SLC25A26: variants seen among roughly 807,000 people sequenced by gnomAD.
SLC25A26 encodes solute carrier family 25 member 26.
Under a neutral mutation model 37.8 loss-of-function variants are expected in SLC25A26, and 36 were observed. That is an observed-to-expected ratio of 0.95 (90% CI 0.73 to 1.26). The LOEUF (loss-of-function observed/expected upper bound fraction) is 1.26. Ranked by LOEUF, SLC25A26 falls within the 50% of genes most tolerant of loss-of-function variation. The pLI is 0.00. For missense variants in SLC25A26, 390 were observed against 331.1 expected (o/e 1.18, Z -1.38); for synonymous variants, 129 against 122.5 (o/e 1.05, Z -0.35).
chr3:66,215,326 G>A (rs910167344), intron 1 of SLC25A26, among the ~76,000 whole-genome samples: 1 of 151,930 alleles, frequency 6.6e-6, no homozygotes, highest in African/African-American at 2.4e-5. Flanking sequence ...TCAGCCTCCC[G>A]ACTAGCTGGG....
At chr3:66,372,461 G>A (rs765182864) in intron 9 of SLC25A26, among the ~76,000 whole-genome samples, 7 of 152,160 alleles carry the variant, frequency 4.6e-5, no homozygotes, top group African/African-American at 9.6e-5. Context: ...TATACTTGAC[G>A]TTATAATACT....
At position 66,248,489 on chromosome 3, in the gene SLC25A26, A is replaced by T. The variant is rs1244176784; in HGVS notation, c.300+5177A>T. 2.6e-5 allele frequency among the ~76,000 whole-genome samples: 4 copies of T among 152,302 alleles called. No individual in the cohort carries two copies. In the East Asian group the frequency reaches 7.7e-4, roughly 29 times the overall value. ...AACGGTACATATGCTATAACATTCT[A>T]ATGGTAGTGATTTTCTTTTCTTCAA... On this transcript the variant is annotated intron_variant, in intron 3 of 9. Transcript: ENST00000354883.
intron 7 of SLC25A26, among the ~76,000 whole-genome samples, chr3:66,368,998 G>C (rs1700184984): frequency 2.2e-5 from 3 of 139,434 alleles, no homozygotes; most frequent in African/African-American, 5.6e-5. Flanking sequence ...TCCAGTCTTG[G>C]TGAGACACAG....
intron 1 of SLC25A26, among the ~76,000 whole-genome samples, chr3:66,214,855 C>T (rs1018001496): frequency 2.2e-4 from 33 of 152,176 alleles, no homozygotes; most frequent in Non-Finnish European, 4.4e-4. Context: ...TGGTCAGGCA[C>T]GGTGGCTCAT....
chr3:66,169,160 C>CT (rs1453379365), intron 1 of SLC25A26, among the ~76,000 whole-genome samples: 2 of 152,118 alleles, frequency 1.3e-5, no homozygotes, highest in Non-Finnish European at 1.5e-5. Flanking sequence ...TTCTTGACAT[C>CT]TTTTGGCTTC....
intron 5 of SLC25A26, among the ~76,000 whole-genome samples, chr3:66,300,124 G>C (rs540113008): frequency 6.6e-6 from 1 of 152,098 alleles, no homozygotes; most frequent in Non-Finnish European, 1.5e-5. Flanking sequence ...CCGTGTAAAA[G>C]GGTTTTTCAT....
In SLC25A26 at chr3:66,199,235, C is replaced by T. The variant is rs2071081595; in HGVS notation, c.-353-21507C>T. On this transcript the variant is annotated intron_variant, in intron 1 of 10. Coordinates refer to the SLC25A26 transcript ENST00000676754. ...CACTACCCCTACCCTGAACCTGACT[C>T]TCACCCTACCTTTACCCTGACCATG... Among the ~76,000 whole-genome samples, 11 of 152,094 alleles carry T rather than the reference C, an allele frequency of 7.2e-5. No homozygotes were observed. In the South Asian group the frequency reaches 2.3e-3, roughly 32 times the overall value.
intron 1 of SLC25A26, among the ~76,000 whole-genome samples, chr3:66,165,507 A>C (rs1028467296): frequency 9.2e-5 from 14 of 152,248 alleles, no homozygotes; most frequent in African/African-American, 3.4e-4. Context: ...ATCTTTAGAT[A>C]CTAGTAAGAT....
At chr3:66,198,647 C>G (rs2071075255) in intron 1 of SLC25A26, among the ~76,000 whole-genome samples, 1 of 151,870 alleles carries the variant, frequency 6.6e-6, no homozygotes. Flanking sequence ...TGACCTCAAC[C>G]CACATCCTAA....
chr3:66,218,897 C>T (rs2071400486), upstream of SLC25A26, among the ~76,000 whole-genome samples: 2 of 152,214 alleles, frequency 1.3e-5, no homozygotes, highest in Admixed American at 6.5e-5. Context: ...TGGCCCTGGC[C>T]ACCATCTTGA....
chr3:66,283,080 A>G (rs1159778207), intron 5 of SLC25A26, among the ~76,000 whole-genome samples: 2 of 152,170 alleles, frequency 1.3e-5, no homozygotes, highest in East Asian at 3.9e-4. Flanking sequence ...GTGGAATACA[A>G]AAATTATGGT....
At chr3:66,314,751 G>A (rs1382810319) in intron 5 of SLC25A26, among the ~76,000 whole-genome samples, 1 of 145,226 alleles carries the variant, frequency 6.9e-6, no homozygotes, top group Non-Finnish European at 1.5e-5. Flanking sequence ...CTGGTTCTGG[G>A]CTTTTTTTTG....
At chr3:66,154,256 C>T (rs2070247355) in intron 1 of SLC25A26, among the ~76,000 whole-genome samples, 1 of 152,172 alleles carries the variant, frequency 6.6e-6, no homozygotes. Context: ...GAGACCCACA[C>T]TGTAGTAGCT....
chr3:66,175,140 T>TATATATATATATAC (rs1413714739), intron 1 of SLC25A26, among the ~76,000 whole-genome samples: 7 of 67,038 alleles, frequency 1.0e-4, no homozygotes, highest in African/African-American at 2.6e-4. Context: ...TATATATATA[T>TATATATATATATAC]ACACACACAC....
At chr3:66,267,090 G>A (rs1262647662) in intron 5 of SLC25A26, among the ~76,000 whole-genome samples, 2 of 152,102 alleles carry the variant, frequency 1.3e-5, no homozygotes, top group Non-Finnish European at 1.5e-5. Flanking sequence ...ACTTTCTGGC[G>A]GGGAAACAAA....
chr3:66,270,997 A>C (rs1402750503), intron 5 of SLC25A26, among the ~76,000 whole-genome samples: 2 of 152,182 alleles, frequency 1.3e-5, no homozygotes, highest in Non-Finnish European at 2.9e-5. Flanking sequence ...AAGGGGCACC[A>C]GTTCCTGTGT....
intron 5 of SLC25A26, among the ~76,000 whole-genome samples, chr3:66,325,590 G>C (rs1312884868): frequency 6.6e-6 from 1 of 152,140 alleles, no homozygotes; most frequent in Non-Finnish European, 1.5e-5. Context: ...TATGCTGTTG[G>C]GTCTGAGTTC....
At chr3:66,171,442 T>C (rs1466571077) in intron 1 of SLC25A26, among the ~76,000 whole-genome samples, 1 of 152,206 alleles carries the variant, frequency 6.6e-6, no homozygotes, top group South Asian at 2.1e-4. Context: ...CCTACTTTTT[T>C]TGTTCTCTTA....
intron 2 of SLC25A26, among the ~76,000 whole-genome samples, chr3:66,240,406 C>G (rs532349768): frequency 8.5e-5 from 13 of 152,258 alleles, no homozygotes; most frequent in Middle Eastern, 6.8e-3. Context: ...CCTCCCACCT[C>G]AGTCCCAAGT....
Sources: allele counts gnomAD v4.1 joint callset (sites outside exome capture counted in the v4.1 genomes callset), GRCh38; gene constraint gnomAD v4.1.1; transcripts MANE v1.5; gene names NCBI Gene and HGNC (gene_info 2026-07-23, HGNC 2026-07-21).